The following SETD9 variants were observed in gnomAD, a reference collection of about 807,000 sequenced individuals.
The protein encoded by SETD9 is SET domain containing 9, also known as SET domain-containing protein 9.
A neutral mutation model predicts 36.4 loss-of-function variants in SETD9; 37 were observed. The observed-to-expected ratio is 1.02, with a 90% confidence interval of 0.78 to 1.34. The LOEUF is 1.34. SETD9 is among the 40% of genes most tolerant of loss of function. The probability of loss-of-function intolerance (pLI) is 0.00; values close to 1 mark genes in which losing one functional copy is unlikely to be tolerated. For synonymous variants in SETD9, 128 were observed against 132.9 expected (o/e 0.96, Z 0.26); for missense variants, 323 against 353.2 (o/e 0.91, Z 0.69).
chr5:56,919,980 C>T (rs1214444999), downstream of SETD9: 1 of 152,498 alleles, frequency 6.6e-6, no homozygotes. Context: ...TGCTTTGAAA[C>T]TCTGGGCAAA....
At position 56,916,970 on chromosome 5, in the gene SETD9, TTC is replaced by T; in HGVS notation, c.*72_*73del. 2 of 1,495,650 alleles carry T rather than the reference TTC, an allele frequency of 1.3e-6. No homozygotes were observed. Among genetic ancestry groups the T allele is most frequent in the Non-Finnish European group, 1.8e-6 (2 of 1,128,766 alleles). 92.6% of individuals were successfully genotyped at this position (1,495,650 alleles called of 1,614,324 possible). On this transcript the variant is annotated 3_prime_UTR_variant, in exon 6 of 6. Transcript: ENST00000285947. ...ATTCTAAGTGTTTTTTGTTAATCAC[TTC>T]TCTGAGTTCTACCTGTAAAACAAAT...
At chr5:56,919,122 A>ACTT (rs570077952), downstream of SETD9, among the ~76,000 whole-genome samples, 1 of 119,580 alleles carries the variant, frequency 8.4e-6, no homozygotes, top group East Asian at 2.4e-4. Flanking sequence ...TTACTTTGGG[A>ACTT]CTTCTTTTTT....
At chr5:56,919,242 CA>C (rs1005255191), downstream of SETD9, among the ~76,000 whole-genome samples, 1 of 151,378 alleles carries the variant, frequency 6.6e-6, no homozygotes, top group Non-Finnish European at 1.5e-5. Flanking sequence ...TTTCCTGCCT[CA>C]GCCTCCTGAG....
At chr5:56,913,627 G>A (rs1022695928) in intron 3 of SETD9, among the ~76,000 whole-genome samples, 8 of 151,770 alleles carry the variant, frequency 5.3e-5, no homozygotes, top group African/African-American at 1.9e-4. Flanking sequence ...CAAGTGATCT[G>A]CCTGCCTCAG....
At chr5:56,928,159 A>G, downstream of SETD9, 1 of 152,238 alleles carries the variant, frequency 6.6e-6, no homozygotes, top group East Asian at 1.9e-4. Flanking sequence ...ATTATGATGA[A>G]AGCTGCTATA....
At position 56,916,960 on chromosome 5, in the gene SETD9, T is replaced by A; in HGVS notation, c.*58T>A. ...TCAGCTATTAATTCTAAGTGTTTTT[T>A]GTTAATCACTTCTCTGAGTTCTACC... is the stretch of plus-strand genomic sequence containing the variant. On this transcript the variant is annotated 3_prime_UTR_variant, in exon 6 of 6. Coordinates refer to ENST00000285947, the MANE Select transcript of SETD9 (RefSeq NM_153706.4). 6.5e-7 allele frequency: 1 copy of A among 1,527,876 alleles called. No homozygotes were observed. Among genetic ancestry groups the A allele is most frequent in the Non-Finnish European group, 8.7e-7 (1 of 1,144,836 alleles). 94.6% of individuals were successfully genotyped at this position (1,527,876 alleles called of 1,614,324 possible).
At chr5:56,924,946 A>G (rs566501804) in intron 5 of SETD9, among the ~76,000 whole-genome samples, 23 of 152,346 alleles carry the variant, frequency 1.5e-4, no homozygotes, top group Admixed American at 3.9e-4. Flanking sequence ...ATCATTAACT[A>G]TAAGTCTTCG....
chr5:56,923,364 C>G, intron 5 of SETD9: 1 of 1,614,174 alleles, frequency 6.2e-7, no homozygotes, highest in Non-Finnish European at 8.5e-7. Context: ...TCTGACTCTT[C>G]ACTGCACATG....
intron 2 of SETD9, chr5:56,912,173 A>C (rs939304180): frequency 2.3e-5 from 23 of 985,174 alleles, no homozygotes; most frequent in Non-Finnish European, 2.7e-5. Context: ...GAAAAAAAAA[A>C]AGCGTACGGA....
At chr5:56,918,690 CAAGG>C (rs148909354), downstream of SETD9, among the ~76,000 whole-genome samples, 579 of 150,218 alleles carry the variant, frequency 3.9e-3, 6 homozygotes, top group African/African-American at 0.013. Flanking sequence ...TCGTGTCTGA[CAAGG>C]AAGGGATGTG....
At chr5:56,926,660 G>A (rs985678559), downstream of SETD9, among the ~76,000 whole-genome samples, 4 of 151,106 alleles carry the variant, frequency 2.6e-5, no homozygotes, top group Non-Finnish European at 4.4e-5. Flanking sequence ...AGACAGTTTG[G>A]CAGTTTCATG....
rs2257505 is a variant in SETD9 at position 56,911,296 on chromosome 5, T to A, written c.226T>A (p.Ser76Thr). The A allele has an allele frequency of 0.71, 1,145,398 of 1,611,678 alleles. 419,561 individuals are homozygous for A. Among genetic ancestry groups the A allele is most frequent in the Non-Finnish European group, 0.76 (901,691 of 1,179,062 alleles). The change falls in exon 2 of 6, where the codon TCT becomes ACT. Residue 76 changes from serine (S) to threonine (T), a missense_variant. Coordinates refer to ENST00000285947, the MANE Select transcript of SETD9 (RefSeq NM_153706.4). The part of the protein sequence containing the change: ...NDFNKQSEIL[S>T]MLPESVKSKY... Reference sequence around the variant, plus strand: ...TTTCAATAAACAATCAGAAATCTTGTCTATGCTTCCAGAATCTGTTAAATC... The same window carrying A: ...TTTCAATAAACAATCAGAAATCTTGACTATGCTTCCAGAATCTGTTAAATC...
intron 5 of SETD9, among the ~76,000 whole-genome samples, chr5:56,915,469 A>G (rs943115885): frequency 6.6e-6 from 1 of 152,238 alleles, no homozygotes; most frequent in African/African-American, 2.4e-5. Context: ...CATTCAGTGG[A>G]AAGTCTACTG....
chr5:56,918,652 CCA>C (rs781609452), downstream of SETD9, among the ~76,000 whole-genome samples: 3 of 152,204 alleles, frequency 2.0e-5, no homozygotes, highest in Non-Finnish European at 4.4e-5. Context: ...CATGTGTCCA[CCA>C]CAGAGCCCTA....
chr5:56,912,759 A>G (rs371474572), intron 2 of SETD9, among the ~76,000 whole-genome samples: 211 of 152,304 alleles, frequency 1.4e-3, no homozygotes, highest in Middle Eastern at 3.4e-3. Flanking sequence ...ATAAATGTGT[A>G]TATGTATATA....
chr5:56,909,852 T>C (rs945986288), intron 1 of SETD9, 109 bp downstream of exon 1: 2 of 296,344 alleles, frequency 6.7e-6, no homozygotes, highest in Non-Finnish European at 9.1e-6. Context: ...CGGCCTGAGA[T>C]GGGCGGGCCC....
downstream of SETD9, among the ~76,000 whole-genome samples, chr5:56,926,274 C>T (rs547606218): frequency 1.3e-5 from 2 of 151,964 alleles, no homozygotes; most frequent in African/African-American, 4.8e-5. Context: ...AACTTTTACT[C>T]TGCAAACACA....
intron 1 of SETD9, chr5:56,910,090 G>A (rs1302369178): frequency 2.4e-6 from 3 of 1,251,914 alleles, no homozygotes; most frequent in South Asian, 1.6e-5. Flanking sequence ...CGGATGTGTC[G>A]CCTGTTCTTC....
rs572481984 is a variant in SETD9 at position 56,910,287 on chromosome 5, G to C, written c.98+544G>C. The C allele has an allele frequency of 6.0e-4, 784 of 1,304,230 alleles. 2 individuals carry two copies. Among genetic ancestry groups the C allele is most frequent in the Non-Finnish European group, 7.1e-4 (707 of 988,958 alleles). 80.8% of individuals were successfully genotyped at this position (1,304,230 alleles called of 1,614,324 possible). Reference sequence around the variant, plus strand: ...ATAGTTCATACAAGTACTTCACGTGGTTAAAGAAGCCCATCCCGGCTGTGA... The same window carrying C: ...ATAGTTCATACAAGTACTTCACGTGCTTAAAGAAGCCCATCCCGGCTGTGA... On this transcript the variant is annotated intron_variant, in intron 1 of 5. Coordinates refer to ENST00000285947, the MANE Select transcript of SETD9 (RefSeq NM_153706.4).
Sources: allele counts gnomAD v4.1 joint callset (sites outside exome capture counted in the v4.1 genomes callset), GRCh38; gene constraint gnomAD v4.1.1; transcripts MANE v1.5; gene names NCBI Gene and HGNC (gene_info 2026-07-23, HGNC 2026-07-21).